The following PTPRR variants were observed in gnomAD, a reference collection of about 807,000 sequenced individuals.
PTPRR encodes the protein receptor-type tyrosine-protein phosphatase R.
In PTPRR, 38 loss-of-function variants were observed where a neutral mutation model predicts 77.2. The ratio of observed to expected loss-of-function variants is 0.49; its 90% CI spans 0.38 to 0.65. The LOEUF is 0.65. Among genes scored for constraint, PTPRR ranks in the 30% least tolerant of loss-of-function variants. The pLI, the probability that PTPRR is intolerant of heterozygous loss-of-function variation, is 0.00. For synonymous variants in PTPRR, 299 were observed against 283.1 expected, an observed-to-expected ratio of 1.06 and a Z score of -0.57; for missense variants, 744 against 799.2, an observed-to-expected ratio of 0.93 and a Z score of 0.83.
At chr12:70,867,628 T>C (rs1194243116) in intron 2 of PTPRR, among the ~76,000 whole-genome samples, 9 of 151,800 alleles carry the variant, frequency 5.9e-5, no homozygotes, top group Non-Finnish European at 8.8e-5. Context: ...AATTTATAGA[T>C]TCAATGCCAT....
intron 3 of PTPRR, among the ~76,000 whole-genome samples, chr12:70,761,936 T>C (rs556707249): frequency 2.0e-5 from 3 of 152,228 alleles, no homozygotes; most frequent in African/African-American, 7.2e-5. Context: ...ATTGTTCAGA[T>C]GTTCCCTGAG....
At chr12:70,685,277 A>T (rs1887819813) in intron 8 of PTPRR, among the ~76,000 whole-genome samples, 2 of 152,024 alleles carry the variant, frequency 1.3e-5, no homozygotes, top group Admixed American at 1.3e-4. Flanking sequence ...TGAGATTAAT[A>T]ATCTATTACG....
intron 2 of PTPRR, among the ~76,000 whole-genome samples, chr12:70,786,768 C>A (rs142900093): frequency 1.2e-4 from 18 of 152,186 alleles, no homozygotes; most frequent in Non-Finnish European, 2.9e-5. Context: ...CTATACAATT[C>A]TCCAAGAAAC....
At chr12:70,776,301 TTTTC>T (rs1257793801) in intron 2 of PTPRR, among the ~76,000 whole-genome samples, 1 of 152,180 alleles carries the variant, frequency 6.6e-6, no homozygotes, top group African/African-American at 2.4e-5. Context: ...TGAACCCATA[TTTTC>T]TTTATCTATA....
chr12:70,721,799 G>A (rs998234745), intron 6 of PTPRR, among the ~76,000 whole-genome samples: 12 of 152,064 alleles, frequency 7.9e-5, no homozygotes, highest in African/African-American at 2.9e-4. Flanking sequence ...ATTGAAATTC[G>A]CCCTGCTAAT....
intron 1 of PTPRR, among the ~76,000 whole-genome samples, chr12:70,913,772 C>A (rs927369893): frequency 3.9e-5 from 6 of 152,030 alleles, no homozygotes; most frequent in African/African-American, 1.4e-4. Context: ...AGTCAATTAC[C>A]TTCTTTATGG....
chr12:70,716,457 G>A (rs1387968585), intron 6 of PTPRR, among the ~76,000 whole-genome samples: 1 of 152,016 alleles, frequency 6.6e-6, no homozygotes. Context: ...AGTAGGAAAG[G>A]GCAAGATAAA....
chr12:70,769,908 G>C (rs926552554), intron 2 of PTPRR, among the ~76,000 whole-genome samples: 2 of 152,218 alleles, frequency 1.3e-5, no homozygotes, highest in African/African-American at 4.8e-5. Context: ...AAGCAATGGG[G>C]AAAGATTCCC....
At chr12:70,739,975 G>A (rs1233136328) in intron 6 of PTPRR, among the ~76,000 whole-genome samples, 1 of 152,166 alleles carries the variant, frequency 6.6e-6, no homozygotes, top group Non-Finnish European at 1.5e-5. Context: ...ATCAGGGCCA[G>A]ATGGTATAGG....
chr12:70,702,119 A>C (rs1021171870), intron 6 of PTPRR, among the ~76,000 whole-genome samples: 3 of 152,186 alleles, frequency 2.0e-5, no homozygotes. Context: ...CATAGAAATC[A>C]CAGACCCTTA....
chr12:70,877,484 A>C (rs569518616), intron 2 of PTPRR, among the ~76,000 whole-genome samples: 1 of 152,298 alleles, frequency 6.6e-6, no homozygotes, highest in East Asian at 1.9e-4. Context: ...GTCAGGTATT[A>C]CAATTACCAT....
At chr12:70,661,721 T>G (rs1360196236) in intron 11 of PTPRR, among the ~76,000 whole-genome samples, 2 of 152,130 alleles carry the variant, frequency 1.3e-5, no homozygotes, top group Non-Finnish European at 2.9e-5. Context: ...TAAGTTTTGG[T>G]AAATGCCTTC....
chr12:70,906,160 T>C (rs1271682885), intron 1 of PTPRR, among the ~76,000 whole-genome samples: 1 of 152,058 alleles, frequency 6.6e-6, no homozygotes, highest in Non-Finnish European at 1.5e-5. Context: ...TAGATTCTAA[T>C]TTAAATGACC....
chr12:70,791,568 G>T lies in PTPRR; in HGVS notation c.358-26790C>A, dbSNP rs1437750647. On this transcript the variant is annotated intron_variant, in intron 2 of 13. Coordinates refer to ENST00000283228, the MANE Select transcript of PTPRR (RefSeq NM_002849.4). ...TAGAAGGTATGCTTCAAAAAAGCAA[G>T]GATTTTGACTGTTTTGCTTACTGAT... Among the ~76,000 whole-genome samples the T allele has an allele frequency of 2.0e-5, 3 of 152,086 alleles. No homozygotes were observed. In the East Asian group the frequency reaches 5.8e-4, roughly 29 times the overall value.
chr12:70,780,636 A>G (rs1052264445), intron 2 of PTPRR, among the ~76,000 whole-genome samples: 2 of 152,152 alleles, frequency 1.3e-5, no homozygotes, highest in Non-Finnish European at 2.9e-5. Context: ...CACATATCAT[A>G]CAAATATTTA....
chr12:70,691,389 C>T (rs1180530752), intron 8 of PTPRR, among the ~76,000 whole-genome samples: 2 of 152,134 alleles, frequency 1.3e-5, no homozygotes, highest in Non-Finnish European at 2.9e-5. Context: ...TGGCCTCTTT[C>T]CAATCTCCTG....
At chr12:70,726,149 C>T (rs1460525927) in intron 6 of PTPRR, among the ~76,000 whole-genome samples, 1 of 151,464 alleles carries the variant, frequency 6.6e-6, no homozygotes, top group African/African-American at 2.4e-5. Flanking sequence ...TTACATTACA[C>T]TTGTAAAATA....
intron 2 of PTPRR, among the ~76,000 whole-genome samples, chr12:70,875,545 G>A (rs772893667): frequency 2.6e-5 from 4 of 150,998 alleles, no homozygotes; most frequent in Non-Finnish European, 4.4e-5. Flanking sequence ...CTATGTAGAA[G>A]TATACATGCA....
In PTPRR at chr12:70,878,517, C is replaced by T. The variant is rs1893092459; in HGVS notation, c.357+14162G>A. On this transcript the variant is annotated intron_variant, in intron 2 of 13. Coordinates refer to ENST00000283228, the MANE Select transcript of PTPRR (RefSeq NM_002849.4). ...ATGAAAAAATGCTCATCATCACTGG[C>T]CATCAGAGAAATGCAAATCAAAACC... is the stretch of plus-strand genomic sequence containing the variant. Among the ~76,000 whole-genome samples the T allele has an allele frequency of 2.0e-5, 3 of 152,140 alleles. No individual in the cohort carries two copies. In the South Asian group the frequency reaches 6.2e-4, roughly 32 times the overall value.
Sources: gnomAD v4.1 joint callset for allele counts (sites outside exome capture counted in the v4.1 genomes callset) on GRCh38, gnomAD v4.1.1 for gene constraint, MANE v1.5 for transcripts, NCBI Gene and HGNC (gene_info 2026-07-23, HGNC 2026-07-21) for gene names.